STK38L: variants seen among roughly 807,000 people sequenced by gnomAD.
The protein encoded by STK38L is serine/threonine kinase 38 like.
A neutral mutation model predicts 59.7 loss-of-function variants in STK38L; 28 were observed. The observed-to-expected ratio is 0.47, with a 90% CI of 0.35 to 0.64. The LOEUF is 0.64. Among genes scored for constraint, STK38L ranks in the 30% least tolerant of loss-of-function variants. STK38L has a pLI of 0.01. For synonymous variants in STK38L, 162 were observed against 176.8 expected, an observed-to-expected ratio of 0.92 and a Z score of 0.66; for missense variants, 314 against 555.8, an observed-to-expected ratio of 0.56 and a Z score of 4.37.
Position 27,312,587 on chromosome 12 carries a change from A to G in STK38L, c.432A>G (p.Glu144=). 1.2e-6 allele frequency: 2 copies of G among 1,614,132 alleles called. No individual in the cohort carries two copies. The highest frequency in any genetic ancestry group is 1.7e-6 in the Non-Finnish European group (2 of 1,180,010). ...HIRAERDILV[E]ADGAWVVKMF... Reference sequence around the variant, plus strand: ...GAGCAGAAAGAGATATTTTGGTAGAAGCAGATGGTGCCTGGGTGGTGAAGA... The same window carrying G: ...GAGCAGAAAGAGATATTTTGGTAGAGGCAGATGGTGCCTGGGTGGTGAAGA... The change falls in exon 6 of 14, where the codon GAA becomes GAG. Residue 144 remains glutamate (E), a synonymous_variant. Coordinates refer to ENST00000389032, the MANE Select transcript of STK38L (RefSeq NM_015000.4).
chr12:27,274,030 G>A (rs1051439403), intron 1 of STK38L, among the ~76,000 whole-genome samples: 1 of 151,902 alleles, frequency 6.6e-6, no homozygotes, highest in Admixed American at 6.6e-5. Context: ...TGAGGTGGGC[G>A]GATCACAAGG....
intron 1 of STK38L, among the ~76,000 whole-genome samples, chr12:27,247,096 G>C (rs1470513632): frequency 6.6e-6 from 1 of 152,260 alleles, no homozygotes; most frequent in African/African-American, 2.4e-5. Flanking sequence ...AAGTGATCTA[G>C]TCATATGATA....
At chr12:27,283,392 T>TA in intron 1 of STK38L, among the ~76,000 whole-genome samples, 1 of 152,354 alleles carries the variant, frequency 6.6e-6, no homozygotes, top group South Asian at 2.1e-4. Flanking sequence ...TAAAATTAGT[T>TA]ATATGTTTTA....
chr12:27,267,897 G>A (rs985694097), intron 1 of STK38L, among the ~76,000 whole-genome samples: 6 of 151,992 alleles, frequency 3.9e-5, no homozygotes, highest in Non-Finnish European at 7.4e-5. Flanking sequence ...ATTCCTATTC[G>A]GGTTTTTTGC....
chr12:27,312,013 G>A (rs749715778), intron 5 of STK38L, among the ~76,000 whole-genome samples: 13 of 152,010 alleles, frequency 8.6e-5, no homozygotes, highest in Non-Finnish European at 1.8e-4. Context: ...CTGAGTAGCC[G>A]GGACTACTGG....
rs766700251 is a variant in STK38L, at chr12:27,323,667, C to A, written c.*1212C>A. The A allele has an allele frequency of 4.6e-5, 7 of 152,384 alleles. No homozygotes were observed. The highest frequency in any genetic ancestry group is 8.8e-5 in the Non-Finnish European group (6 of 67,966). 9.4% of individuals were successfully genotyped at this position (152,384 alleles called of 1,614,324 possible). A position where few individuals can be genotyped will look rare whatever the true frequency, so the allele number is the denominator to read the frequency against. On this transcript the variant is annotated 3_prime_UTR_variant, in exon 14 of 14. Coordinates refer to ENST00000389032, the MANE Select transcript of STK38L (RefSeq NM_015000.4). ...CAGCTTATTAAAGGGCAATATTGTT[C>A]TTGTTTAGCTACATCACTGTGGTGA...
intron 3 of STK38L, among the ~76,000 whole-genome samples, chr12:27,307,406 C>T (rs943276020): frequency 2.0e-5 from 3 of 152,156 alleles, no homozygotes; most frequent in Admixed American, 2.0e-4. Context: ...CAGATATATA[C>T]AGGAGTAGGG....
chr12:27,290,331 G>A (rs1446894807), intron 1 of STK38L, among the ~76,000 whole-genome samples: 1 of 152,154 alleles, frequency 6.6e-6, no homozygotes. Flanking sequence ...CAGGCAATCT[G>A]GCCTTTCATC....
intron 1 of STK38L, among the ~76,000 whole-genome samples, chr12:27,269,870 T>A (rs1161465112): frequency 6.6e-6 from 1 of 152,188 alleles, no homozygotes; most frequent in Non-Finnish European, 1.5e-5. Flanking sequence ...CTCGAAATCC[T>A]GACCTCAGGT....
chr12:27,275,421 G>T (rs1943513937), intron 1 of STK38L, among the ~76,000 whole-genome samples: 1 of 142,422 alleles, frequency 7.0e-6, no homozygotes, highest in Non-Finnish European at 1.5e-5. Context: ...TCAGCTCACT[G>T]CAACCTCTGC....
At chr12:27,250,282 T>G (rs752569602) in intron 1 of STK38L, among the ~76,000 whole-genome samples, 1 of 152,178 alleles carries the variant, frequency 6.6e-6, no homozygotes, top group Non-Finnish European at 1.5e-5. Flanking sequence ...TTTTATGATC[T>G]GGAGATTTTG....
rs543708073 is a variant in STK38L, at chr12:27,250,867, C to T, written c.-12+6535C>T. Reference sequence around the variant, plus strand: ...TAAAAAAAATAGCCGGGCGTGGTGGCGGGCACCTGTAGTCCCAGCTGCTCA... The same window carrying T: ...TAAAAAAAATAGCCGGGCGTGGTGGTGGGCACCTGTAGTCCCAGCTGCTCA... On this transcript the variant is annotated intron_variant, in intron 1 of 13. Transcript: ENST00000389032. Among the ~76,000 whole-genome samples, 805 of 151,974 alleles carry T rather than the reference C, an allele frequency of 5.3e-3. 4 individuals are homozygous for T. Among genetic ancestry groups the T allele is most frequent in the Non-Finnish European group, 8.5e-3 (580 of 67,972 alleles).
chr12:27,293,258 C>T (rs1470756361), intron 1 of STK38L, among the ~76,000 whole-genome samples: 1 of 152,214 alleles, frequency 6.6e-6, no homozygotes, highest in Non-Finnish European at 1.5e-5. Context: ...CCTCTAGCCC[C>T]CCAATTTGGC....
intron 3 of STK38L, 149 bp downstream of exon 3, chr12:27,302,337 A>T (rs2136641175): frequency 1.7e-6 from 1 of 586,140 alleles, no homozygotes; most frequent in East Asian, 3.1e-5. Flanking sequence ...TTTTATTGAT[A>T]TCTTTAGAAG....
At chr12:27,279,519 G>T (rs990104179) in intron 1 of STK38L, among the ~76,000 whole-genome samples, 7 of 151,864 alleles carry the variant, frequency 4.6e-5, no homozygotes, top group African/African-American at 1.5e-4. Flanking sequence ...GAGGTCAGGC[G>T]TTCAAGACCA....
At chr12:27,246,761 A>G (rs1339163349) in intron 1 of STK38L, among the ~76,000 whole-genome samples, 1 of 148,822 alleles carries the variant, frequency 6.7e-6, no homozygotes, top group Non-Finnish European at 1.5e-5. Flanking sequence ...CACTGGTTGC[A>G]TAAGCCTTCT....
intron 1 of STK38L, among the ~76,000 whole-genome samples, chr12:27,254,106 A>G (rs889993400): frequency 6.6e-6 from 1 of 152,216 alleles, no homozygotes; most frequent in Non-Finnish European, 1.5e-5. Context: ...GATGAAGCCT[A>G]GAACCACCGA....
rs1453598475 is a variant in STK38L, at chr12:27,308,302, T to A, written c.187-37T>A. 1.1e-5 allele frequency: 16 copies of A among 1,484,762 alleles called. No individual in the cohort carries two copies. The highest frequency in any genetic ancestry group is 1.3e-5 in the Non-Finnish European group (14 of 1,113,124). The allele number at this position is 1,484,762 out of a possible 1,614,324, so 92.0% of individuals were successfully genotyped here. ...AGAAGCTCCATCAAAACAACCTAAT[T>A]ATAAAATCATCCGTTTAAATTGTTT... On this transcript the variant is annotated intron_variant, in intron 3 of 13. Transcript: ENST00000389032. The surrounding 1 kb of genome is among the most constrained non-coding windows in gnomAD (Gnocchi z 4.5).
At chr12:27,276,235 G>A (rs780646268) in intron 1 of STK38L, among the ~76,000 whole-genome samples, 2 of 151,934 alleles carry the variant, frequency 1.3e-5, no homozygotes, top group South Asian at 2.1e-4. Flanking sequence ...ACTCCCCTTC[G>A]CATTATTTTG....
Sources: allele counts gnomAD v4.1 joint callset (sites outside exome capture counted in the v4.1 genomes callset), GRCh38; gene constraint gnomAD v4.1.1; non-coding constraint Gnocchi (gnomAD v3.1); transcripts MANE v1.5; gene names NCBI Gene and HGNC (gene_info 2026-07-23, HGNC 2026-07-21).